Variants in ERC1 observed in about 807,000 individuals in gnomAD.
ERC1 encodes RAB6 interacting protein 2.
In ERC1, 56 loss-of-function variants were observed where a neutral mutation model predicts 132.0. That is an observed-to-expected ratio of 0.42 (90% confidence interval 0.34 to 0.53). The LOEUF is 0.53. Ranked by LOEUF, ERC1 falls within the 20% of genes least tolerant of loss-of-function variation. ERC1 has a pLI of 0.03. For synonymous variants in ERC1, 478 were observed against 476.1 expected, an observed-to-expected ratio of 1.00 and a Z score of -0.05; for missense variants, 1,202 against 1,349.9, an observed-to-expected ratio of 0.89 and a Z score of 1.72.
chr12:1,219,862 C>G (rs1177849536), intron 12 of ERC1, among the ~76,000 whole-genome samples: 1 of 152,104 alleles, frequency 6.6e-6, no homozygotes, highest in Non-Finnish European at 1.5e-5. Flanking sequence ...CAGGCATGAG[C>G]CACCGCACCT....
intron 16 of ERC1, among the ~76,000 whole-genome samples, chr12:1,398,967 A>G (rs1326008155): frequency 9.7e-6 from 1 of 103,530 alleles, no homozygotes; most frequent in Non-Finnish European, 1.8e-5. Flanking sequence ...TTTTGTTGAA[A>G]CAAGGTCTCA....
intron 2 of ERC1, among the ~76,000 whole-genome samples, chr12:1,054,898 A>G (rs1261602302): frequency 6.6e-6 from 1 of 152,154 alleles, no homozygotes; most frequent in Non-Finnish European, 1.5e-5. Context: ...TATAAACATG[A>G]ATTTCTGGAG....
intron 16 of ERC1, among the ~76,000 whole-genome samples, chr12:1,392,067 G>T (rs915949977): frequency 1.3e-5 from 2 of 152,176 alleles, no homozygotes; most frequent in African/African-American, 4.8e-5. Context: ...GACTATTCAG[G>T]GGACCACTGA....
At chr12:1,296,315 G>A (rs1450169823) in intron 15 of ERC1, among the ~76,000 whole-genome samples, 1 of 149,756 alleles carries the variant, frequency 6.7e-6, no homozygotes, top group Non-Finnish European at 1.5e-5. Context: ...GCAACAAAAT[G>A]AGACCCTATC....
chr12:1,003,361 AAG>A (rs1334459433), intron 1 of ERC1, among the ~76,000 whole-genome samples: 1 of 152,176 alleles, frequency 6.6e-6, no homozygotes, highest in African/African-American at 2.4e-5. Context: ...ATAGAATTCT[AAG>A]ATCAATGTTA....
intron 2 of ERC1, among the ~76,000 whole-genome samples, chr12:1,051,724 A>G (rs1186227465): frequency 6.6e-6 from 1 of 152,110 alleles, no homozygotes; most frequent in Non-Finnish European, 1.5e-5. Context: ...GTCTCTTATA[A>G]CAAGAATGAA....
intron 12 of ERC1, among the ~76,000 whole-genome samples, chr12:1,226,264 A>C: frequency 6.6e-6 from 1 of 152,198 alleles, no homozygotes; most frequent in East Asian, 1.9e-4. Flanking sequence ...TTTTATCTTG[A>C]ATAATTTTTC....
chr12:1,449,104 G>A lies in ERC1; in HGVS notation c.3213+4354G>A, dbSNP rs144960182. 4.1e-3 allele frequency among the ~76,000 whole-genome samples: 623 copies of A among 152,316 alleles called. 3 individuals are homozygous for A. The highest frequency in any genetic ancestry group is 8.7e-3 in the Admixed American group (133 of 15,306). On this transcript the variant is annotated intron_variant, in intron 18 of 18. Transcript: ENST00000360905. ...CTTGCCTGGGGCCTGTAGTCTCTTC[G>A]TTTTGGCCAATTTCTCCCATTTGGA...
At chr12:1,488,161 AAG>A (rs2094267829) in intron 18 of ERC1, among the ~76,000 whole-genome samples, 6 of 151,396 alleles carry the variant, frequency 4.0e-5, no homozygotes. Flanking sequence ...AAAAAAAAAA[AAG>A]ATAGATGGGG....
chr12:1,401,945 G>A (rs529071764), intron 16 of ERC1, among the ~76,000 whole-genome samples: 26 of 152,214 alleles, frequency 1.7e-4, no homozygotes, highest in Middle Eastern at 3.4e-3. Flanking sequence ...ATCAAAGAGA[G>A]ATTAGGAGAC....
In ERC1 at chr12:1,027,845, C is replaced by G; in HGVS notation, c.-59C>G. On this transcript the variant is annotated 5_prime_UTR_variant, in exon 2 of 19. Transcript: ENST00000360905. ...AGCCATAGAGACACCTCACAAGGTT[C>G]CCATTTTTGTTGTTGTTGTTGTTGA... is the stretch of plus-strand genomic sequence containing the variant. The G allele has an allele frequency of 1.4e-6, 2 of 1,467,070 alleles. No homozygotes were observed. Among genetic ancestry groups the G allele is most frequent in the South Asian group, 1.3e-5 (1 of 76,728 alleles). The allele number at this position is 1,467,070 out of a possible 1,614,324, so 90.9% of individuals were successfully genotyped here. A position where few individuals can be genotyped will look rare whatever the true frequency, so the allele number is the denominator to read the frequency against.
rs2369846 is a variant in ERC1, at chr12:1,438,956, T to A, written c.3025-5606T>A. Among the ~76,000 whole-genome samples the A allele has an allele frequency of 3.3e-3, 413 of 124,466 alleles. 2 individuals are homozygous for A. The highest frequency in any genetic ancestry group is 4.2e-3 in the Admixed American group (55 of 13,132). 81.7% of individuals were successfully genotyped at this position (124,466 alleles called of 152,430 possible). ...GACCTTGTCTCAATTTAAAAAAAAA[T>A]ATATATATATATATAAAAAATGACA... On this transcript the variant is annotated intron_variant, in intron 17 of 18. Transcript: ENST00000360905.
rs150321480 is a variant in ERC1, at chr12:1,403,722, G to A, written c.2926-4427G>A. ...CACTCCTAAGAAGTACTTTAAATGC[G>A]TTCTGCCTTGAAAATGGATTTGTGT... On this transcript the variant is annotated intron_variant, in intron 16 of 18. Transcript: ENST00000360905. Among the ~76,000 whole-genome samples, 598 of 152,050 alleles carry A rather than the reference G, an allele frequency of 3.9e-3. 2 individuals are homozygous for A. The highest frequency in any genetic ancestry group is 0.014 in the African/African-American group (564 of 41,478).
intron 18 of ERC1, among the ~76,000 whole-genome samples, chr12:1,474,732 A>G (rs2093936319): frequency 6.6e-6 from 1 of 152,008 alleles, no homozygotes; most frequent in South Asian, 2.1e-4. Context: ...CTAACACTCA[A>G]AGAGGGAAGG....
chr12:1,259,520 C>CTTTCTTTTT (rs749136473), intron 13 of ERC1, among the ~76,000 whole-genome samples: 115 of 113,890 alleles, frequency 1.0e-3, no homozygotes, highest in Non-Finnish European at 1.3e-3. Context: ...TTCTTTCTTT[C>CTTTCTTTTT]TTTTTTTTTT....
rs956382739 is a variant in ERC1, at chr12:1,495,478, A to G, written c.*5248A>G. The G allele has an allele frequency of 6.5e-5, 15 of 229,158 alleles. No individual in the cohort carries two copies. Among genetic ancestry groups the G allele is most frequent in the Non-Finnish European group, 1.0e-4 (12 of 115,656 alleles). 14.2% of individuals were successfully genotyped at this position (229,158 alleles called of 1,614,324 possible). ...CCCTCTGGGTCCAGCCCCTCATTCCACACCACGCCAGTATTGCATCCATCT... is the reference window on the plus strand; with the variant it reads ...CCCTCTGGGTCCAGCCCCTCATTCCGCACCACGCCAGTATTGCATCCATCT... On this transcript the variant is annotated 3_prime_UTR_variant, in exon 19 of 19. Coordinates refer to ENST00000360905, the MANE Select transcript of ERC1 (RefSeq NM_178040.4).
intron 15 of ERC1, among the ~76,000 whole-genome samples, chr12:1,360,413 T>C (rs1299390355): frequency 6.6e-6 from 1 of 152,188 alleles, no homozygotes; most frequent in African/African-American, 2.4e-5. Context: ...TCATTGGGGC[T>C]GTCATGGCTC....
chr12:1,344,583 C>G (rs953840049), intron 15 of ERC1, among the ~76,000 whole-genome samples: 2 of 152,156 alleles, frequency 1.3e-5, no homozygotes, highest in African/African-American at 4.8e-5. Flanking sequence ...TAACTCTTGA[C>G]TAAAGGTTAA....
chr12:1,295,972 G>A (rs2079888495), intron 15 of ERC1, among the ~76,000 whole-genome samples: 1 of 143,282 alleles, frequency 7.0e-6, no homozygotes, highest in African/African-American at 2.7e-5. Flanking sequence ...AGAGCATGCA[G>A]TAGAAATCAC....
Sources: gnomAD v4.1 joint callset for allele counts (sites outside exome capture counted in the v4.1 genomes callset) on GRCh38, gnomAD v4.1.1 for gene constraint, MANE v1.5 for transcripts, NCBI Gene and HGNC (gene_info 2026-07-23, HGNC 2026-07-21) for gene names.